SATB2: variants seen among roughly 807,000 people sequenced by gnomAD.
SATB2 encodes DNA-binding protein SATB2.
Under a neutral mutation model 73.4 loss-of-function variants are expected in SATB2, and 1 was observed. The ratio of observed to expected loss-of-function variants is 0.01; its 90% CI spans 0.00 to 0.06. The LOEUF is 0.06. SATB2 is among the 10% of genes least tolerant of loss of function. The pLI is 1.00. For missense variants in SATB2, 459 were observed against 945.8 expected, an observed-to-expected ratio of 0.49 and a Z score of 6.75; for synonymous variants, 397 against 367.0, an observed-to-expected ratio of 1.08 and a Z score of -0.93.
At chr2:199,451,344 T>C (rs555854287) in intron 2 of SATB2, among the ~76,000 whole-genome samples, 36 of 151,800 alleles carry the variant, frequency 2.4e-4, no homozygotes, top group Admixed American at 7.2e-4. Context: ...AAAAACACTT[T>C]AGAGAAGAGT....
chr2:199,303,913 T>C (rs1273219825), intron 10 of SATB2, among the ~76,000 whole-genome samples: 1 of 152,176 alleles, frequency 6.6e-6, no homozygotes, highest in Admixed American at 6.5e-5. Context: ...AGCTCAGAAT[T>C]CCTGAACTTA....
intron 10 of SATB2, among the ~76,000 whole-genome samples, chr2:199,277,165 T>G (rs1051866536): frequency 6.6e-6 from 1 of 152,152 alleles, no homozygotes; most frequent in Non-Finnish European, 1.5e-5. Flanking sequence ...CCCAGCATAA[T>G]GGGTTTCCAC....
At chr2:199,407,270 A>G (rs555298039) in intron 3 of SATB2, among the ~76,000 whole-genome samples, 10 of 142,384 alleles carry the variant, frequency 7.0e-5, no homozygotes, top group Non-Finnish European at 1.2e-4. Context: ...TGGGTGACAG[A>G]GCAAGACTCT....
At chr2:199,442,392 C>T (rs754699697) in intron 2 of SATB2, among the ~76,000 whole-genome samples, 2 of 152,292 alleles carry the variant, frequency 1.3e-5, no homozygotes, top group Non-Finnish European at 2.9e-5. Context: ...CCACGGGCAT[C>T]GCATGGATGG....
intron 2 of SATB2, among the ~76,000 whole-genome samples, chr2:199,449,715 T>C (rs1692069992): frequency 6.6e-6 from 1 of 152,150 alleles, no homozygotes. Flanking sequence ...AGTAGGATGA[T>C]GAATCTTTTG....
chr2:199,432,400 T>TCTGA (rs1291731559), intron 3 of SATB2, among the ~76,000 whole-genome samples: 3 of 152,218 alleles, frequency 2.0e-5, no homozygotes, highest in African/African-American at 7.2e-5. Flanking sequence ...CAAATGAGGC[T>TCTGA]CTGACTGATA....
chr2:199,440,802 G>A (rs1388970004), intron 2 of SATB2, among the ~76,000 whole-genome samples: 1 of 151,814 alleles, frequency 6.6e-6, no homozygotes, highest in East Asian at 1.9e-4. Flanking sequence ...TACAGGTAGA[G>A]ATCAGTCAAT....
chr2:199,402,138 G>A (rs1395605061), intron 3 of SATB2, among the ~76,000 whole-genome samples: 1 of 152,130 alleles, frequency 6.6e-6, no homozygotes, highest in African/African-American at 2.4e-5. Flanking sequence ...CGTAATCCCA[G>A]CACTTTGGGA....
At position 199,284,829 on chromosome 2, in the gene SATB2, T is replaced by A. The variant is rs1465954522; in HGVS notation, c.1741-12157A>T. Among the ~76,000 whole-genome samples the A allele has an allele frequency of 3.9e-5, 6 of 152,216 alleles. 1 individual carries two copies. In the East Asian group the frequency reaches 7.7e-4, roughly 20 times the overall value. On this transcript the variant is annotated intron_variant, in intron 10 of 10. Transcript: ENST00000417098. ...ATATCTGTACCTAACATGTATCAAC[T>A]ATTTTTTGTCATTATTCCCCAAACA... is the stretch of plus-strand genomic sequence containing the variant.
chr2:199,286,945 A>G (rs533980638), intron 10 of SATB2, among the ~76,000 whole-genome samples: 16 of 152,220 alleles, frequency 1.1e-4, no homozygotes, highest in Non-Finnish European at 2.2e-4. Context: ...GTTAAACATA[A>G]CCAGGTAACT....
intron 3 of SATB2, among the ~76,000 whole-genome samples, chr2:199,432,326 C>T (rs776280436): frequency 1.1e-4 from 17 of 152,166 alleles, no homozygotes; most frequent in Non-Finnish European, 1.9e-4. Context: ...GAATTTAAAT[C>T]CCTTGGTCAC....
chr2:199,437,763 T>A (rs569809897), intron 2 of SATB2, among the ~76,000 whole-genome samples: 6 of 152,346 alleles, frequency 3.9e-5, no homozygotes, highest in African/African-American at 1.2e-4. Flanking sequence ...GTTTTCCTTT[T>A]TTTCAAAATC....
At chr2:199,462,585 G>A (rs903307602), upstream of SATB2, among the ~76,000 whole-genome samples, 16 of 152,144 alleles carry the variant, frequency 1.1e-4, no homozygotes, top group African/African-American at 3.9e-4. The surrounding 1 kb of genome is among the most constrained non-coding windows in gnomAD (Gnocchi z 5.9). Flanking sequence ...TTCCTCGTTG[G>A]CATCAGAGCC....
At chr2:199,341,305 G>GA (rs1026706277) in intron 7 of SATB2, among the ~76,000 whole-genome samples, 1 of 151,856 alleles carries the variant, frequency 6.6e-6, no homozygotes, top group Non-Finnish European at 1.5e-5. Flanking sequence ...AACGAATATG[G>GA]AAAAAAAAGG....
Position 199,272,550 on chromosome 2 carries a change from G to T in SATB2, c.1863C>A (p.Ile621=), listed in dbSNP as rs962396470. 6.2e-7 allele frequency: 1 copy of T among 1,614,196 alleles called. No homozygotes were observed. Among genetic ancestry groups the T allele is most frequent in the African/African-American group, 1.3e-5 (1 of 75,036 alleles). ...CAKKPRSRTK[I]SLEALGILQS... ...GGAGGATCCCCAGGGCTTCTAAGGA[G>T]ATCTTTGTGCGAGACCGGGGCTTTT... Residue 621 remains isoleucine (I), a synonymous_variant, in exon 11 of 11, where the codon ATC becomes ATA. Coordinates refer to ENST00000417098, the MANE Select transcript of SATB2 (RefSeq NM_001172509.2). This position sits in a 1 kb window ranked among gnomAD's most constrained non-coding sequence, Gnocchi z 6.7.
intron 3 of SATB2, among the ~76,000 whole-genome samples, chr2:199,387,803 G>A (rs533194465): frequency 6.6e-6 from 1 of 152,144 alleles, no homozygotes. Context: ...TTTCCCATTA[G>A]TGATATAAAA....
chr2:199,348,164 A>T (rs1688709305), intron 7 of SATB2: 1 of 152,302 alleles, frequency 6.6e-6, no homozygotes, highest in Non-Finnish European at 1.5e-5. Flanking sequence ...ATAAAAGTAA[A>T]CTATCCATTA....
intron 6 of SATB2, among the ~76,000 whole-genome samples, chr2:199,366,986 T>C (rs959807196): frequency 9.9e-5 from 15 of 152,130 alleles, no homozygotes; most frequent in African/African-American, 3.6e-4. Context: ...TTCCAATCTT[T>C]CTGAATCTGG....
intron 3 of SATB2, among the ~76,000 whole-genome samples, chr2:199,395,350 G>A (rs539851581): frequency 1.3e-5 from 2 of 152,274 alleles, no homozygotes; most frequent in East Asian, 3.9e-4. Context: ...AAATTAATTT[G>A]TACCAGAAAT....
Sources: allele counts gnomAD v4.1 joint callset (sites outside exome capture counted in the v4.1 genomes callset), GRCh38; gene constraint gnomAD v4.1.1; non-coding constraint Gnocchi (gnomAD v3.1); transcripts MANE v1.5; gene names NCBI Gene and HGNC (gene_info 2026-07-23, HGNC 2026-07-21).